Variants in CACNA1C observed in about 807,000 individuals in gnomAD.
CACNA1C encodes calcium voltage-gated channel subunit alpha1 C.
CACNA1C carries 30 observed loss-of-function variants against 229.0 expected under a neutral mutation model. The observed-to-expected ratio is 0.13, with a 90% CI of 0.10 to 0.18. The LOEUF (loss-of-function observed/expected upper bound fraction) is 0.18. CACNA1C is among the 10% of genes least tolerant of loss of function. The probability of loss-of-function intolerance (pLI) is 1.00; values close to 1 mark genes in which losing one functional copy is unlikely to be tolerated. For synonymous variants in CACNA1C, 1,114 were observed against 1,132.5 expected, an observed-to-expected ratio of 0.98 and a Z score of 0.33; for missense variants, 1,658 against 2,845.0, an observed-to-expected ratio of 0.58 and a Z score of 9.49.
At chr12:2,045,065 G>C (rs2050824899) in intron 1 of CACNA1C, among the ~76,000 whole-genome samples, 1 of 152,196 alleles carries the variant, frequency 6.6e-6, no homozygotes, top group South Asian at 2.1e-4. Flanking sequence ...CTGAAATATG[G>C]AAGGAAAGGT....
intron 3 of CACNA1C, among the ~76,000 whole-genome samples, chr12:2,294,412 G>A (rs936942981): frequency 2.6e-5 from 4 of 152,012 alleles, no homozygotes; most frequent in Non-Finnish European, 4.4e-5. Flanking sequence ...GTCAAAGCAC[G>A]AAGGCCTTGA....
chr12:2,247,899 G>A (rs191993029), intron 3 of CACNA1C, among the ~76,000 whole-genome samples: 111 of 152,334 alleles, frequency 7.3e-4, no homozygotes, highest in African/African-American at 2.6e-3. Context: ...GAGAAAAGGT[G>A]CTGTGGCCAC....
chr12:2,274,863 C>T (rs774243347), intron 3 of CACNA1C, among the ~76,000 whole-genome samples: 16 of 152,184 alleles, frequency 1.1e-4, no homozygotes, highest in East Asian at 5.8e-4. Context: ...TGTGGGGCCC[C>T]GGCTGGGATG....
chr12:2,170,027 C>T (rs963523266), intron 3 of CACNA1C, among the ~76,000 whole-genome samples: 1 of 152,154 alleles, frequency 6.6e-6, no homozygotes, highest in Non-Finnish European at 1.5e-5. Flanking sequence ...GCTCCCCTGT[C>T]AGTTGTGGCA....
intron 9 of CACNA1C, among the ~76,000 whole-genome samples, chr12:2,530,762 G>A (rs964846247): frequency 2.0e-5 from 3 of 152,210 alleles, no homozygotes; most frequent in African/African-American, 7.2e-5. Flanking sequence ...CATGCCATGG[G>A]TAAGTGACCG....
At chr12:2,415,388 G>A (rs535959971) in intron 3 of CACNA1C, among the ~76,000 whole-genome samples, 1 of 152,242 alleles carries the variant, frequency 6.6e-6, no homozygotes, top group Non-Finnish European at 1.5e-5. Flanking sequence ...CTCCCGTGGA[G>A]GCCGCGCAGC....
intron 3 of CACNA1C, among the ~76,000 whole-genome samples, chr12:2,231,863 G>A (rs1017602362): frequency 2.1e-4 from 32 of 152,168 alleles, no homozygotes; most frequent in Admixed American, 1.6e-3. Flanking sequence ...TCAGGAGCTT[G>A]TGACAGAATG....
At chr12:2,209,586 G>A (rs1432305661) in intron 3 of CACNA1C, among the ~76,000 whole-genome samples, 2 of 152,078 alleles carry the variant, frequency 1.3e-5, no homozygotes, top group South Asian at 2.1e-4. Flanking sequence ...TAAAGAATCC[G>A]AATTATATTT....
intron 6 of CACNA1C, among the ~76,000 whole-genome samples, chr12:2,489,785 T>C (rs2099710420): frequency 6.6e-6 from 1 of 152,362 alleles, no homozygotes; most frequent in African/African-American, 2.4e-5. Context: ...CTCCTAATCG[T>C]CACCTCCATT....
intron 3 of CACNA1C, among the ~76,000 whole-genome samples, chr12:2,441,672 A>G (rs2099228199): frequency 6.6e-6 from 1 of 152,216 alleles, no homozygotes; most frequent in South Asian, 2.1e-4. Flanking sequence ...AAGTTCCAAG[A>G]AAAACGAAAA....
rs1372819701 is a variant in CACNA1C at position 2,639,274 on chromosome 12, G to A, written c.3912+4894G>A. ...TAGGGAAGCCTCTTGCTCTTCCTCA[G>A]TGCTTGGGTCTGAAATCATATTTTC... On this transcript the variant is annotated intron_variant, in intron 30 of 46. Coordinates refer to ENST00000399655, the MANE Select transcript of CACNA1C (RefSeq NM_000719.7). This position sits in a 1 kb window ranked among gnomAD's most constrained non-coding sequence, Gnocchi z 4.2. 6.6e-6 allele frequency among the ~76,000 whole-genome samples: 1 copy of A among 152,202 alleles called. No homozygotes were observed.
chr12:2,398,779 G>A (rs2098633169), intron 3 of CACNA1C, among the ~76,000 whole-genome samples: 1 of 152,180 alleles, frequency 6.6e-6, no homozygotes, highest in Non-Finnish European at 1.5e-5. Context: ...GCCCAAAGGA[G>A]GCAGCAGGCT....
intron 3 of CACNA1C, among the ~76,000 whole-genome samples, chr12:2,168,158 C>G (rs2096321370): frequency 6.6e-6 from 1 of 152,070 alleles, no homozygotes. Flanking sequence ...TCATCAAAAG[C>G]CTTCTGGGTT....
intron 3 of CACNA1C, among the ~76,000 whole-genome samples, chr12:2,335,027 C>T (rs776604114): frequency 9.1e-4 from 139 of 152,324 alleles, no homozygotes; most frequent in Non-Finnish European, 6.8e-4. Context: ...GGGACTCCCA[C>T]GCCTGCTTCC....
At chr12:2,600,958 T>A (rs2071788882) in intron 21 of CACNA1C, among the ~76,000 whole-genome samples, 1 of 152,158 alleles carries the variant, frequency 6.6e-6, no homozygotes, top group African/African-American at 2.4e-5. Context: ...CTTATCCTCA[T>A]TTTTCCAATG....
upstream of CACNA1C, among the ~76,000 whole-genome samples, chr12:2,052,054 G>T (rs1022196199): frequency 6.6e-6 from 1 of 152,224 alleles, no homozygotes; most frequent in African/African-American, 2.4e-5. Context: ...GGGGAGCCCG[G>T]TCCTGCAGGG....
At chr12:2,183,537 A>C (rs1272588594) in intron 3 of CACNA1C, among the ~76,000 whole-genome samples, 1 of 152,316 alleles carries the variant, frequency 6.6e-6, no homozygotes, top group East Asian at 1.9e-4. Context: ...CTAACAATAT[A>C]TACCAACAAA....
intron 19 of CACNA1C, among the ~76,000 whole-genome samples, chr12:2,594,220 C>A (rs755114131): frequency 1.3e-5 from 2 of 152,150 alleles, no homozygotes; most frequent in Non-Finnish European, 2.9e-5. Context: ...CTTCCTAAGC[C>A]TATGTATTTA....
chr12:2,655,363 G>T, intron 34 of CACNA1C, 125 bp downstream of exon 34: 4 of 606,898 alleles, frequency 6.6e-6, no homozygotes, highest in Non-Finnish European at 1.2e-5. Context: ...TGTGTTGCTT[G>T]CTCTCTGCCT....
Sources: allele counts gnomAD v4.1 joint callset (sites outside exome capture counted in the v4.1 genomes callset), GRCh38; gene constraint gnomAD v4.1.1; non-coding constraint Gnocchi (gnomAD v3.1); transcripts MANE v1.5; gene names NCBI Gene and HGNC (gene_info 2026-07-23, HGNC 2026-07-21).